CABP1: variants seen among roughly 807,000 people sequenced by gnomAD.
CABP1 encodes calcium-binding protein 1.
A neutral mutation model predicts 34.3 loss-of-function variants in CABP1; 17 were observed. The ratio of observed to expected loss-of-function variants is 0.50; its 90% CI spans 0.34 to 0.74. The LOEUF is 0.74. Ranked by LOEUF, CABP1 falls within the 30% of genes least tolerant of loss-of-function variation. The pLI, the probability that CABP1 is intolerant of heterozygous loss-of-function variation, is 0.01. For missense variants in CABP1, 373 were observed against 511.1 expected (o/e 0.73, Z 2.61); for synonymous variants, 198 against 229.2 (o/e 0.86, Z 1.23).
At chr12:120,659,971 G>T in intron 2 of CABP1, 63 bp downstream of exon 2, 1 of 1,545,838 alleles carries the variant, frequency 6.5e-7, no homozygotes, top group Non-Finnish European at 8.9e-7. Flanking sequence ...GGGAAGGGAG[G>T]TTGATGGGAA....
intron 1 of CABP1, chr12:120,650,565 C>T (rs2137335842): frequency 1.1e-5 from 17 of 1,610,926 alleles, no homozygotes; most frequent in Middle Eastern, 1.9e-4. Context: ...GAGACTGGGA[C>T]GGAAGTCCCT....
At chr12:120,648,879 TA>T (rs1049534093) in intron 1 of CABP1, among the ~76,000 whole-genome samples, 2,990 of 123,182 alleles carry the variant, frequency 0.024, 37 homozygotes, top group Admixed American at 0.034. Flanking sequence ...AGACACTGTC[TA>T]AAAAAAAAAA....
At chr12:120,650,371 TC>T in intron 1 of CABP1, 1 of 901,766 alleles carries the variant, frequency 1.1e-6, no homozygotes, top group Non-Finnish European at 1.6e-6. Context: ...CCTTCTGCTT[TC>T]ATCTCCTTAA....
chr12:120,660,114 G>A lies in CABP1; in HGVS notation c.686-82G>A, dbSNP rs1019614153. 2.8e-5 allele frequency: 44 copies of A among 1,551,612 alleles called. No individual in the cohort carries two copies. Among genetic ancestry groups the A allele is most frequent in the East Asian group, 9.0e-5 (4 of 44,470 alleles). On this transcript the variant is annotated intron_variant, in intron 2 of 5. Coordinates refer to ENST00000316803, the MANE Select transcript of CABP1 (RefSeq NM_001033677.2). This position sits in a 1 kb window ranked among gnomAD's most constrained non-coding sequence, Gnocchi z 5.0. ...GCTCCTGGGCCTCTCTTTCCATGCC[G>A]GTGGGCCTTTGGGCTGCCTTTGCCC...
intron 1 of CABP1, chr12:120,659,615 G>A: frequency 4.6e-6 from 2 of 438,442 alleles, no homozygotes; most frequent in South Asian, 4.1e-5. Flanking sequence ...GGAACAAGGG[G>A]CTGGAGGCAC....
At chr12:120,674,543 G>C in the CABP1 span, among the ~76,000 whole-genome samples, 3 of 152,186 alleles carry the variant, frequency 2.0e-5, no homozygotes, top group Non-Finnish European at 4.4e-5. Context: ...TTCCTACAGA[G>C]GGGACAGGGG....
rs770570105 is a variant in CABP1, at chr12:120,660,694, A to G, written c.830-37A>G. 1 of 1,368,998 alleles carries G rather than the reference A, an allele frequency of 7.3e-7. No homozygotes were observed. The highest frequency in any genetic ancestry group is 1.7e-5 in the Admixed American group (1 of 59,694). The allele number at this position is 1,368,998 out of a possible 1,614,324, so 84.8% of individuals were successfully genotyped here. ...GTCTAGTTGGAGACAGGGAATGGGTATGTCGGGGATGACCTAGCCCTTTCC... is the reference window on the plus strand; with the variant it reads ...GTCTAGTTGGAGACAGGGAATGGGTGTGTCGGGGATGACCTAGCCCTTTCC... On this transcript the variant is annotated intron_variant, in intron 3 of 5. Transcript: ENST00000316803. This position sits in a 1 kb window ranked among gnomAD's most constrained non-coding sequence, Gnocchi z 5.0.
chr12:120,641,080 G>T lies in CABP1; in HGVS notation c.395G>T (p.Arg132Leu). 1 of 1,196,610 alleles carries T rather than the reference G, an allele frequency of 8.4e-7. No homozygotes were observed. The highest frequency in any genetic ancestry group is 1.0e-6 in the Non-Finnish European group (1 of 965,492). 74.1% of individuals were successfully genotyped at this position (1,196,610 alleles called of 1,614,324 possible). Residue 132 changes from arginine to leucine, a missense_variant, in exon 1 of 6, where the codon CGG (arginine) becomes CTG (leucine). Physicochemically the swap from Arg to Leu is moderately radical, Grantham distance 102. Around this residue, in one of 4 missense-constraint regions of CABP1, gnomAD observed 121 missense variants for 125.5 expected, o/e 0.96. Transcript: ENST00000316803. This position sits in a 1 kb window ranked among gnomAD's most constrained non-coding sequence, Gnocchi z 6.7. ...CRPAPREEGA[R>L]GSQRVLPQAH... ...CCGGCGCCGCGAGAGGAGGGCGCGC[G>T]GGGGAGCCAGCGTGTGCTCCCCCAG...
intron 1 of CABP1, among the ~76,000 whole-genome samples, chr12:120,652,362 G>C (rs1243251668): frequency 7.5e-6 from 1 of 133,188 alleles, no homozygotes; most frequent in African/African-American, 3.4e-5. Context: ...ATTAATAATT[G>C]CTTTTTTTTT....
Position 120,641,735 on chromosome 12 carries a change from G to C in CABP1, c.654+396G>C, listed in dbSNP as rs1879340442. The C allele has an allele frequency of 5.5e-6, 1 of 180,948 alleles. No individual in the cohort carries two copies. The highest frequency in any genetic ancestry group is 1.1e-5 in the Non-Finnish European group (1 of 87,558). 11.2% of individuals were successfully genotyped at this position (180,948 alleles called of 1,614,324 possible). A position where few individuals can be genotyped will look rare whatever the true frequency, so the allele number is the denominator to read the frequency against. ...TACCGCCAGGGAGGGACTCAGGAGAGCAAGCGGTTTGGAGTCTGGGGGTCA... is the reference window on the plus strand; with the variant it reads ...TACCGCCAGGGAGGGACTCAGGAGACCAAGCGGTTTGGAGTCTGGGGGTCA... On this transcript the variant is annotated intron_variant, in intron 1 of 5. Transcript: ENST00000316803. The surrounding 1 kb of genome is among the most constrained non-coding windows in gnomAD (Gnocchi z 6.7).
intron 1 of CABP1, chr12:120,656,002 T>G: frequency 6.3e-7 from 1 of 1,586,554 alleles, no homozygotes; most frequent in Non-Finnish European, 8.6e-7. Context: ...GGGTCCCCTC[T>G]TGCGGAAAGC....
At position 120,660,774 on chromosome 12, in the gene CABP1, G is replaced by T; in HGVS notation, c.873G>T (p.Gly291=). The T allele has an allele frequency of 6.2e-7, 1 of 1,614,046 alleles. No homozygotes were observed. ...TTGATGACTTCGTGGAGCTAATGGG[G>T]CCTAAACTCCTGGCAGAGACAGCAG... ...VDFDDFVELM[G]PKLLAETADM... Residue 291 remains glycine, a synonymous_variant, in exon 4 of 6, where the codon GGG becomes GGT. Coordinates refer to ENST00000316803, the MANE Select transcript of CABP1 (RefSeq NM_001033677.2). The surrounding 1 kb of genome is among the most constrained non-coding windows in gnomAD (Gnocchi z 5.0).
chr12:120,669,865 C>T (rs1008469887), downstream of CABP1, among the ~76,000 whole-genome samples: 1 of 152,224 alleles, frequency 6.6e-6, no homozygotes, highest in Non-Finnish European at 1.5e-5. Context: ...AGGCCCAGGG[C>T]AGTCCTCCTG....
chr12:120,642,526 T>C (rs1879382655), intron 1 of CABP1, among the ~76,000 whole-genome samples: 1 of 152,174 alleles, frequency 6.6e-6, no homozygotes, highest in South Asian at 2.1e-4. Flanking sequence ...GGTGGGGCCA[T>C]AGGGCAGTGG....
intron 1 of CABP1, among the ~76,000 whole-genome samples, chr12:120,648,428 G>A (rs1879650427): frequency 6.6e-6 from 1 of 152,118 alleles, no homozygotes; most frequent in African/African-American, 2.4e-5. Context: ...TTCTCCACTG[G>A]ACAAGTGATA....
rs1879323393 is a variant in CABP1, at chr12:120,641,536, C to G, written c.654+197C>G. The G allele has an allele frequency of 9.9e-6, 5 of 503,044 alleles. No individual in the cohort carries two copies. Among genetic ancestry groups the G allele is most frequent in the Non-Finnish European group, 1.5e-5 (5 of 324,504 alleles). The allele number at this position is 503,044 out of a possible 1,614,324, so 31.2% of individuals were successfully genotyped here. On this transcript the variant is annotated intron_variant, in intron 1 of 5. Transcript: ENST00000316803. The surrounding 1 kb of genome is among the most constrained non-coding windows in gnomAD (Gnocchi z 6.7). The stretch of plus-strand genomic sequence containing the variant: ...CCTGATTCAGCACCCCGTGCGCTGT[C>G]CACGCTCCGGGCCTCTTGGGGCAAG...
At chr12:120,675,646 G>A in the CABP1 span, among the ~76,000 whole-genome samples, 1 of 152,162 alleles carries the variant, frequency 6.6e-6, no homozygotes, top group East Asian at 1.9e-4. Flanking sequence ...CATATTTATT[G>A]TACGACAATA....
At chr12:120,643,227 C>T (rs1380017866) in intron 1 of CABP1, among the ~76,000 whole-genome samples, 1 of 52,056 alleles carries the variant, frequency 1.9e-5, no homozygotes, top group African/African-American at 1.7e-4. Flanking sequence ...AAGCTCTTGC[C>T]TCTCAGCTGC....
intron 1 of CABP1, chr12:120,655,947 C>T: frequency 6.5e-7 from 1 of 1,540,054 alleles, no homozygotes. Flanking sequence ...CAATTTGATG[C>T]CTGTGCACGC....
Sources: gnomAD v4.1 joint callset for allele counts (sites outside exome capture counted in the v4.1 genomes callset) on GRCh38, gnomAD v4.1.1 for gene constraint, gnomAD v4.1.1 regional missense constraint, Gnocchi (gnomAD v3.1) non-coding constraint, MANE v1.5 for transcripts, NCBI Gene and HGNC (gene_info 2026-07-23, HGNC 2026-07-21) for gene names.